MKLN1: variants seen among roughly 807,000 people sequenced by gnomAD.
MKLN1 encodes the protein muskelin.
MKLN1 carries 18 observed loss-of-function variants against 99.0 expected under a neutral mutation model. That is an observed-to-expected ratio of 0.18 (90% confidence interval 0.13 to 0.27). The LOEUF (loss-of-function observed/expected upper bound fraction) is 0.27. Ranked by LOEUF, MKLN1 falls within the 10% of genes least tolerant of loss-of-function variation. The pLI is 1.00. For synonymous variants in MKLN1, 288 were observed against 293.2 expected (o/e 0.98, Z 0.18); for missense variants, 621 against 875.9 (o/e 0.71, Z 3.67).
chr7:131,319,179 C>T (rs1335391293), intron 3 of MKLN1, among the ~76,000 whole-genome samples: 7 of 152,132 alleles, frequency 4.6e-5, no homozygotes, highest in African/African-American at 1.4e-4. Flanking sequence ...TGATGAACAT[C>T]GATGTGAAAA....
rs553962183 is a variant in MKLN1, at chr7:131,180,555, C to T, written c.-296-22302C>T. On this transcript the variant is annotated intron_variant, in intron 2 of 7. Coordinates refer to the MKLN1 transcript ENST00000416992. ...CTCTACTAAAAATACAAAAATTAGC[C>T]GGGTGTGGTGGCAGGTGCCTGTAAT... Among the ~76,000 whole-genome samples the T allele has an allele frequency of 3.5e-4, 53 of 151,980 alleles. No homozygotes were observed. In the South Asian group the frequency reaches 9.3e-3, roughly 27 times the overall value.
At chr7:131,259,139 C>T (rs900758161) in intron 3 of MKLN1, among the ~76,000 whole-genome samples, 3 of 152,046 alleles carry the variant, frequency 2.0e-5, no homozygotes, top group African/African-American at 4.8e-5. Context: ...ATATAAAACA[C>T]CTTCATCAGA....
intron 2 of MKLN1, among the ~76,000 whole-genome samples, chr7:131,161,971 A>G (rs1385075579): frequency 0.012 from 386 of 31,762 alleles, 5 homozygotes; most frequent in East Asian, 0.034. Context: ...GTGTATATAT[A>G]TATATATATA....
At chr7:131,189,826 G>A (rs186364667) in intron 2 of MKLN1, among the ~76,000 whole-genome samples, 5 of 152,254 alleles carry the variant, frequency 3.3e-5, no homozygotes, top group East Asian at 3.9e-4. Flanking sequence ...AAAAAGGAAC[G>A]GAGCTGTTGA....
intron 17 of MKLN1, among the ~76,000 whole-genome samples, chr7:131,484,812 C>CAT (rs1168792883): frequency 6.6e-6 from 1 of 151,502 alleles, no homozygotes; most frequent in Non-Finnish European, 1.5e-5. Flanking sequence ...ATCTAGAACT[C>CAT]TTATGTATTT....
chr7:131,392,516 T>C (rs1163156718), intron 4 of MKLN1, among the ~76,000 whole-genome samples: 3 of 152,198 alleles, frequency 2.0e-5, no homozygotes, highest in African/African-American at 7.2e-5. Flanking sequence ...GTGCTAAGTA[T>C]ACTTATGTCA....
chr7:131,296,751 T>C (rs1312111902), intron 3 of MKLN1, among the ~76,000 whole-genome samples: 1 of 152,150 alleles, frequency 6.6e-6, no homozygotes, highest in Non-Finnish European at 1.5e-5. Context: ...TATTTATTTA[T>C]TTTGAGATGA....
intron 2 of MKLN1, among the ~76,000 whole-genome samples, chr7:131,155,013 G>T (rs998669426): frequency 6.6e-5 from 10 of 152,088 alleles, no homozygotes; most frequent in African/African-American, 2.4e-4. Flanking sequence ...ACATAGTTCT[G>T]CCAATCTATG....
intron 1 of MKLN1, among the ~76,000 whole-genome samples, chr7:131,360,745 C>T (rs947105341): frequency 7.9e-5 from 12 of 151,882 alleles, no homozygotes; most frequent in African/African-American, 2.7e-4. Flanking sequence ...CTTCTCTGAC[C>T]CTCTTTCTTT....
upstream of MKLN1, among the ~76,000 whole-genome samples, chr7:131,326,047 T>C (rs1798882437): frequency 6.6e-6 from 1 of 152,148 alleles, no homozygotes; most frequent in Non-Finnish European, 1.5e-5. Context: ...TTAAAAAAGA[T>C]TGCTCAGGAA....
intron 2 of MKLN1, among the ~76,000 whole-genome samples, chr7:131,377,104 C>T (rs879602681): frequency 2.2e-4 from 34 of 152,080 alleles, no homozygotes; most frequent in African/African-American, 8.0e-4. Flanking sequence ...TACAGTTCTT[C>T]GCTATTATGA....
intron 4 of MKLN1, among the ~76,000 whole-genome samples, chr7:131,394,644 T>C (rs1794304426): frequency 6.6e-6 from 1 of 151,984 alleles, no homozygotes; most frequent in African/African-American, 2.4e-5. Flanking sequence ...GGGACCCCTG[T>C]TTTAGATGAC....
chr7:131,160,466 G>A (rs990791612), intron 2 of MKLN1, among the ~76,000 whole-genome samples: 2 of 147,472 alleles, frequency 1.4e-5, no homozygotes, highest in South Asian at 4.3e-4. Context: ...GGAACTCTAT[G>A]TTTAACTTAT....
At chr7:131,147,458 A>G (rs1249022398) in intron 2 of MKLN1, among the ~76,000 whole-genome samples, 3 of 152,154 alleles carry the variant, frequency 2.0e-5, no homozygotes, top group Non-Finnish European at 2.9e-5. Context: ...TGTACAGAAG[A>G]TGAAATAGAG....
intron 11 of MKLN1, among the ~76,000 whole-genome samples, chr7:131,444,763 A>AGGTAGT (rs1795953961): frequency 1.7e-5 from 2 of 117,960 alleles, no homozygotes; most frequent in Admixed American, 1.8e-4. Context: ...GTAGTAGAAG[A>AGGTAGT]AGTAGTAGTA....
At chr7:131,337,475 G>T (rs940259853) in intron 1 of MKLN1, among the ~76,000 whole-genome samples, 1 of 151,792 alleles carries the variant, frequency 6.6e-6, no homozygotes. Context: ...ATTTAACTAT[G>T]TCCAATCTGC....
At chr7:131,194,688 G>A (rs1796616590) in intron 2 of MKLN1, among the ~76,000 whole-genome samples, 1 of 152,120 alleles carries the variant, frequency 6.6e-6, no homozygotes, top group Admixed American at 6.5e-5. Flanking sequence ...TCCTTCTCAA[G>A]CTTAACAACT....
At chr7:131,352,430 T>C (rs935772229) in intron 1 of MKLN1, among the ~76,000 whole-genome samples, 2 of 152,144 alleles carry the variant, frequency 1.3e-5, no homozygotes, top group Admixed American at 6.6e-5. Flanking sequence ...AGGAAATAAA[T>C]TTTTTTAAGA....
At chr7:131,272,465 G>C (rs1797900497) in intron 3 of MKLN1, among the ~76,000 whole-genome samples, 1 of 152,226 alleles carries the variant, frequency 6.6e-6, no homozygotes, top group Non-Finnish European at 1.5e-5. Context: ...GTGAGAGGAG[G>C]TTGGCTGGAT....
Sources: allele counts gnomAD v4.1 joint callset (sites outside exome capture counted in the v4.1 genomes callset), GRCh38; gene constraint gnomAD v4.1.1; transcripts MANE v1.5; gene names NCBI Gene and HGNC (gene_info 2026-07-23, HGNC 2026-07-21).